C17orf75: variants seen among roughly 807,000 people sequenced by gnomAD.
C17orf75 encodes protein Njmu-R1.
In C17orf75, 32 loss-of-function variants were observed where a neutral mutation model predicts 49.6. The ratio of observed to expected loss-of-function variants is 0.65; its 90% CI spans 0.49 to 0.87. C17orf75 has a LOEUF of 0.87. C17orf75 is among the 40% of genes least tolerant of loss of function. The pLI, the probability that C17orf75 is intolerant of heterozygous loss-of-function variation, is 0.00. For synonymous variants in C17orf75, 158 were observed against 159.5 expected (o/e 0.99, Z 0.07); for missense variants, 428 against 473.9 (o/e 0.90, Z 0.90).
chr17:32,340,659 A>T (rs56012866), intron 2 of C17orf75, among the ~76,000 whole-genome samples: 109 of 151,086 alleles, frequency 7.2e-4, no homozygotes, highest in South Asian at 1.9e-3. Flanking sequence ...AAAAAAAAAA[A>T]TTTTTCAGGG....
intron 5 of C17orf75, 111 bp from the exon 6 acceptor site, chr17:32,335,553 C>T: frequency 7.7e-7 from 1 of 1,298,598 alleles, no homozygotes; most frequent in Non-Finnish European, 1.0e-6. Context: ...AGACACCTCC[C>T]TTTTTAAAGC....
intron 1 of C17orf75, among the ~76,000 whole-genome samples, chr17:32,349,091 C>A (rs2041456168): frequency 6.6e-6 from 1 of 151,290 alleles, no homozygotes; most frequent in South Asian, 2.1e-4. Flanking sequence ...GTCTCGAACT[C>A]CTGACCTCAA....
At position 32,337,392 on chromosome 17, in the gene C17orf75, A is replaced by G. The variant is rs536818486; in HGVS notation, c.549+505T>C. ...GCGAGAAGACTGCTTGAGCCCCAAGAAGCTGAGGCTGCAGTGAGCCTGATC... is the reference window on the plus strand; with the variant it reads ...GCGAGAAGACTGCTTGAGCCCCAAGGAGCTGAGGCTGCAGTGAGCCTGATC... On this transcript the variant is annotated intron_variant, in intron 5 of 9. Coordinates refer to ENST00000577809, the MANE Select transcript of C17orf75 (RefSeq NM_022344.4). Among the ~76,000 whole-genome samples the G allele has an allele frequency of 8.6e-5, 13 of 151,752 alleles. 1 individual carries two copies. In the South Asian group the frequency reaches 2.7e-3, roughly 32 times the overall value.
At chr17:32,332,126 G>T in intron 9 of C17orf75, 148 bp from the exon 10 acceptor site, 1 of 695,458 alleles carries the variant, frequency 1.4e-6, no homozygotes. Context: ...ATTGCAGTAT[G>T]CTTTGCCCTT....
rs201322517 is a variant in C17orf75 at position 32,342,135 on chromosome 17, A to G, written c.5T>C (p.Leu2Pro). The G allele has an allele frequency of 6.3e-7, 1 of 1,596,652 alleles. No homozygotes were observed. The highest frequency in any genetic ancestry group is 8.5e-7 in the Non-Finnish European group (1 of 1,172,394). The change falls in exon 1 of 10, where the codon CTC (leucine) becomes CCC (proline). Residue 2 changes from leucine (L) to proline (P), a missense_variant. Leu to Pro is a moderately conservative substitution (Grantham distance 98, BLOSUM62 -3). Transcript: ENST00000577809. ...ATCCATCGACTCCTGCAAAGAGGGGAGCATTGCGGCGGCCTCTGAGCGGCC... is the reference window on the plus strand; with the variant it reads ...ATCCATCGACTCCTGCAAAGAGGGGGGCATTGCGGCGGCCTCTGAGCGGCC... M[L>P]PSLQESMDGD... is the part of the protein sequence containing the mutation.
intron 6 of C17orf75, 47 bp from the exon 7 acceptor site, chr17:32,334,886 T>A: frequency 6.7e-7 from 1 of 1,483,092 alleles, no homozygotes; most frequent in Non-Finnish European, 9.2e-7. Flanking sequence ...TTCCAGTTTT[T>A]CTTGAGCAGC....
upstream of C17orf75, among the ~76,000 whole-genome samples, chr17:32,343,307 T>C (rs73984521): frequency 1.1e-5 from 1 of 94,876 alleles, no homozygotes; most frequent in Non-Finnish European, 2.0e-5. Context: ...TGTTTTGTGT[T>C]TTTTTTTTTT....
At position 32,334,825 on chromosome 17, in the gene C17orf75, A is replaced by G. The variant is rs200381289; in HGVS notation, c.684T>C (p.Thr228=). The G allele has an allele frequency of 4.8e-4, 771 of 1,610,138 alleles. 12 individuals carry two copies. In the South Asian group the frequency reaches 8.1e-3, roughly 17 times the overall value. The change falls in exon 7 of 10, where the codon ACT becomes ACC. Residue 228 remains threonine (T), a synonymous_variant. Coordinates refer to ENST00000577809, the MANE Select transcript of C17orf75 (RefSeq NM_022344.4). ...CATCTGATTCTTTAACTTCAACAGG[A>G]GTGTAACTCAAAGCCTATGAGAGAA... is the stretch of plus-strand genomic sequence containing the variant. The part of the protein sequence containing the change: ...TFLLHAALSY[T]PVEVKESDEK...
chr17:32,349,076 G>A (rs2041455699), intron 1 of C17orf75, among the ~76,000 whole-genome samples: 1 of 151,616 alleles, frequency 6.6e-6, no homozygotes, highest in Non-Finnish European at 1.5e-5. Flanking sequence ...ATGTCGGCCA[G>A]GCTGGTCTCG....
At chr17:32,332,006 G>A in intron 9 of C17orf75, 28 bp from the exon 10 acceptor site, 21 of 1,557,998 alleles carry the variant, frequency 1.3e-5, no homozygotes, top group Non-Finnish European at 1.8e-5. Context: ...AGTTAAAAAT[G>A]TGTTAAGTGA....
chr17:32,344,930 AAAAG>A (rs907363266), upstream of C17orf75, among the ~76,000 whole-genome samples: 19 of 151,974 alleles, frequency 1.3e-4, 1 homozygote, highest in African/African-American at 4.3e-4. Flanking sequence ...TAAAAATAAA[AAAAG>A]AAAGAAAGGA....
intron 1 of C17orf75, chr17:32,349,924 G>T: frequency 9.3e-7 from 1 of 1,073,360 alleles, no homozygotes; most frequent in African/African-American, 1.7e-5. Context: ...TTTTCCATTC[G>T]CATGCCCCTT....
chr17:32,348,075 CAG>C (rs1255325474), intron 1 of C17orf75, among the ~76,000 whole-genome samples: 6 of 151,222 alleles, frequency 4.0e-5, no homozygotes, highest in African/African-American at 1.5e-4. Flanking sequence ...TGGAGTGCAG[CAG>C]AGTGATCTCG....
chr17:32,348,040 C>A (rs2150782111), intron 1 of C17orf75, among the ~76,000 whole-genome samples: 2 of 150,230 alleles, frequency 1.3e-5, no homozygotes, highest in Non-Finnish European at 3.0e-5. Context: ...CTTTTTGAGA[C>A]AGAGTCTTGC....
chr17:32,344,286 A>G (rs2041407560), upstream of C17orf75, among the ~76,000 whole-genome samples: 1 of 152,192 alleles, frequency 6.6e-6, no homozygotes, highest in South Asian at 2.1e-4. Context: ...GGTGTGAGCC[A>G]CCATGCCCAG....
intron 8 of C17orf75, 114 bp from the exon 9 acceptor site, chr17:32,333,634 A>G: frequency 1.1e-6 from 1 of 889,876 alleles, no homozygotes; most frequent in South Asian, 1.6e-5. Context: ...CAGCCGGAGT[A>G]CTAACTATAT....
upstream of C17orf75, chr17:32,342,287 G>A: frequency 7.7e-7 from 1 of 1,301,166 alleles, no homozygotes; most frequent in Non-Finnish European, 9.9e-7. Flanking sequence ...GACTGGCCTG[G>A]AAAGGGAGTC....
At chr17:32,341,945 C>G (rs1411645189) in intron 1 of C17orf75, 55 bp downstream of exon 1, 2 of 1,124,048 alleles carry the variant, frequency 1.8e-6, no homozygotes, top group Non-Finnish European at 2.2e-6. Context: ...GGCGGCGGGC[C>G]GGGGGCGGGG....
chr17:32,341,854 G>A lies in C17orf75; in HGVS notation c.140+146C>T. The A allele has an allele frequency of 5.6e-6, 6 of 1,079,858 alleles. No homozygotes were observed. The South Asian group carries it at 2.2e-4, about 40-fold the overall frequency. 66.9% of individuals were successfully genotyped at this position (1,079,858 alleles called of 1,614,324 possible). On this transcript the variant is annotated intron_variant, in intron 1 of 9. Transcript: ENST00000577809. ...GCGGGAGGCGAGGAGCGCCCTTCAG[G>A]CCAGAGACCTTGGCTGGGAGAGGAG...
Sources: allele counts gnomAD v4.1 joint callset (sites outside exome capture counted in the v4.1 genomes callset), GRCh38; gene constraint gnomAD v4.1.1; transcripts MANE v1.5; gene names NCBI Gene and HGNC (gene_info 2026-07-23, HGNC 2026-07-21).